GM2A: variants seen among roughly 807,000 people sequenced by gnomAD.
GM2A encodes the protein GM2 ganglioside activator.
A neutral mutation model predicts 12.9 loss-of-function variants in GM2A; 7 were observed. The ratio of observed to expected loss-of-function variants is 0.54; its 90% CI spans 0.31 to 1.02. The LOEUF (loss-of-function observed/expected upper bound fraction) is 1.02. Among genes scored for constraint, GM2A ranks in the 50% least tolerant of loss-of-function variants. The pLI is 0.05. For synonymous variants in GM2A, 101 were observed against 96.0 expected (o/e 1.05, Z -0.30); for missense variants, 246 against 241.0 (o/e 1.02, Z -0.14).
Position 151,253,233 on chromosome 5 carries a change from A to T in GM2A, c.17A>T (p.Gln6Leu). 1 of 1,613,960 alleles carries T rather than the reference A, an allele frequency of 6.2e-7. No homozygotes were observed. The highest frequency in any genetic ancestry group is 8.5e-7 in the Non-Finnish European group (1 of 1,179,858). Residue 6 changes from glutamine (Q) to leucine (L), a missense_variant, in exon 1 of 4, where the codon CAG becomes CTG. Transcript: ENST00000357164. ...CCCTTCCCGATGCAGTCCCTGATGC[A>T]GGCTCCCCTCCTGATCGCCCTGGGC... MQSLM[Q>L]APLLIALGLL...
chr5:151,267,613 T>G lies in GM2A; in HGVS notation c.*162T>G, dbSNP rs1444811601. 3.2e-5 allele frequency: 49 copies of G among 1,526,926 alleles called. No homozygotes were observed. The highest frequency in any genetic ancestry group is 3.7e-5 in the Non-Finnish European group (42 of 1,140,338). 94.6% of individuals were successfully genotyped at this position (1,526,926 alleles called of 1,614,324 possible). A position where few individuals can be genotyped will look rare whatever the true frequency, so the allele number is the denominator to read the frequency against. On this transcript the variant is annotated 3_prime_UTR_variant, in exon 4 of 4. Transcript: ENST00000357164. ...AAATCATTTTGTACCACTTACATTT[T>G]AGGCTGGGGCAAGCAGCCCTGACCT...
In GM2A at chr5:151,267,086, T is replaced by C. The variant is rs2075782; in HGVS notation, c.426+173T>C. The stretch of plus-strand genomic sequence containing the variant: ...GAGCCTCAGTTATCCATCTACGAAA[T>C]GGGAGACTTGAACTTAGATGTGATC... On this transcript the variant is annotated intron_variant, in intron 3 of 3. Coordinates refer to ENST00000357164, the MANE Select transcript of GM2A (RefSeq NM_000405.5). 240,175 of 842,086 alleles carry C rather than the reference T, an allele frequency of 0.29. 36,368 individuals carry two copies. Among genetic ancestry groups the C allele is most frequent in the Admixed American group, 0.46 (22,410 of 49,194 alleles). The allele number at this position is 842,086 out of a possible 1,614,324, so 52.2% of individuals were successfully genotyped here. A position where few individuals can be genotyped will look rare whatever the true frequency, so the allele number is the denominator to read the frequency against.
chr5:151,267,449 T>C lies in GM2A; in HGVS notation c.580T>C (p.Ter194GlnextTer63). Residue 194 changes from the stop codon to glutamine (Q), a stop_lost, in exon 4 of 4, where the codon TAA (stop) becomes CAA (glutamine). Coordinates refer to ENST00000357164, the MANE Select transcript of GM2A (RefSeq NM_000405.5). ...GATCGCTGCCTCTCTAAAGGGCATA[T>C]AACATGGCATCTGCCACAGCAGAAT... is the stretch of plus-strand genomic sequence containing the variant. ...IKIAASLKGI[*>Q] 6.2e-7 allele frequency: 1 copy of C among 1,614,134 alleles called. No individual in the cohort carries two copies. Among genetic ancestry groups the C allele is most frequent in the Non-Finnish European group, 8.5e-7 (1 of 1,179,990 alleles).
In GM2A at chr5:151,269,375, G is replaced by C. The variant is rs1027350022; in HGVS notation, c.*1924G>C. ...GGTGAGCCGAGGTGATTCCAGGGACGGACCCTTCTGCAGGAGCTTGAGCTT... is the reference window on the plus strand; with the variant it reads ...GGTGAGCCGAGGTGATTCCAGGGACCGACCCTTCTGCAGGAGCTTGAGCTT... On this transcript the variant is annotated 3_prime_UTR_variant, in exon 4 of 4. Transcript: ENST00000357164. The C allele has an allele frequency of 1.0e-6, 1 of 985,210 alleles. No homozygotes were observed. The highest frequency in any genetic ancestry group is 1.2e-6 in the Non-Finnish European group (1 of 829,928). The allele number at this position is 985,210 out of a possible 1,614,324, so 61.0% of individuals were successfully genotyped here.
Position 151,270,102 on chromosome 5 carries a change from T to G in GM2A, c.*2651T>G. 8.1e-7 allele frequency: 1 copy of G among 1,231,362 alleles called. No homozygotes were observed. 76.3% of individuals were successfully genotyped at this position (1,231,362 alleles called of 1,614,324 possible). A position where few individuals can be genotyped will look rare whatever the true frequency, so the allele number is the denominator to read the frequency against. ...CTTGGGTCATATGTTCCGTGAGGTT[T>G]CTTAGGGGTGGGGGATGAGGAGTTA... On this transcript the variant is annotated 3_prime_UTR_variant, in exon 4 of 4. Transcript: ENST00000357164.
intron 1 of GM2A, among the ~76,000 whole-genome samples, chr5:151,256,322 G>A (rs1315275865): frequency 6.6e-6 from 1 of 152,182 alleles, no homozygotes; most frequent in Non-Finnish European, 1.5e-5. Context: ...AGTTGCAGCA[G>A]GGCGTGGTGG....
intron 2 of GM2A, among the ~76,000 whole-genome samples, chr5:151,264,887 C>T (rs991645717): frequency 1.3e-5 from 2 of 151,704 alleles, no homozygotes; most frequent in African/African-American, 4.8e-5. Flanking sequence ...GAGGCTAAGA[C>T]AGGAGAATCG....
Position 151,253,272 on chromosome 5 carries a change from C to G in GM2A, c.56C>G (p.Ala19Gly), listed in dbSNP as rs200545376. Residue 19 changes from alanine to glycine, a missense_variant, in exon 1 of 4, where the codon GCC becomes GGC. Transcript: ENST00000357164. ...LLIALGLLLA[A>G]PAQAHLKKPS... ...ATCGCCCTGGGCTTGCTTCTCGCGG[C>G]CCCTGCGCAAGCCCACCTGAAAAAG... 5.0e-6 allele frequency: 8 copies of G among 1,613,520 alleles called. No homozygotes were observed. Among genetic ancestry groups the G allele is most frequent in the Non-Finnish European group, 5.1e-6 (6 of 1,179,646 alleles).
At position 151,253,254 on chromosome 5, in the gene GM2A, T is replaced by C. The variant is rs1469924796; in HGVS notation, c.38T>C (p.Leu13Pro). 6.2e-7 allele frequency: 1 copy of C among 1,614,076 alleles called. No individual in the cohort carries two copies. Among genetic ancestry groups the C allele is most frequent in the Non-Finnish European group, 8.5e-7 (1 of 1,179,962 alleles). Residue 13 changes from leucine (L) to proline (P), a missense_variant, in exon 1 of 4, where the codon CTG becomes CCG. Leu to Pro is a moderately conservative substitution (Grantham distance 98). Transcript: ENST00000357164. ...SLMQAPLLIALGLLLAAPAQA... is the reference protein window; with the variant it reads ...SLMQAPLLIAPGLLLAAPAQA... ...ATGCAGGCTCCCCTCCTGATCGCCCTGGGCTTGCTTCTCGCGGCCCCTGCG... is the reference window on the plus strand; with the variant it reads ...ATGCAGGCTCCCCTCCTGATCGCCCCGGGCTTGCTTCTCGCGGCCCCTGCG...
At chr5:151,257,413 C>T (rs1048478099) in intron 1 of GM2A, among the ~76,000 whole-genome samples, 14 of 152,084 alleles carry the variant, frequency 9.2e-5, no homozygotes, top group African/African-American at 3.1e-4. Context: ...GGATACCCTA[C>T]CCCCACCCCC....
rs1375564900 is a variant in GM2A, at chr5:151,269,428, C to T, written c.*1977C>T. The stretch of plus-strand genomic sequence containing the variant: ...TTGTTGTCTCTGCTTCATCGCCATC[C>T]AGCTCCCTTGTTTGCTATTTTGCTT... On this transcript the variant is annotated 3_prime_UTR_variant, in exon 4 of 4. Coordinates refer to ENST00000357164, the MANE Select transcript of GM2A (RefSeq NM_000405.5). 1.1e-5 allele frequency: 11 copies of T among 985,286 alleles called. No homozygotes were observed. Among genetic ancestry groups the T allele is most frequent in the Middle Eastern group, 5.2e-4 (1 of 1,936 alleles). The allele number at this position is 985,286 out of a possible 1,614,324, so 61.0% of individuals were successfully genotyped here.
chr5:151,266,685 A>T, intron 2 of GM2A, 46 bp from the exon 3 acceptor site: 1 of 1,449,008 alleles, frequency 6.9e-7, no homozygotes, highest in Non-Finnish European at 9.7e-7. Context: ...CCTGGAATTT[A>T]CACTTATAAC....
chr5:151,263,570 G>A (rs1264961869), intron 2 of GM2A, among the ~76,000 whole-genome samples: 1 of 152,126 alleles, frequency 6.6e-6, no homozygotes, highest in Non-Finnish European at 1.5e-5. Flanking sequence ...GGACAAGGCT[G>A]GTATGTTTAT....
In GM2A at chr5:151,267,691, A is replaced by AACTGT; in HGVS notation, c.*240_*241insACTGT. On this transcript the variant is annotated 3_prime_UTR_variant, in exon 4 of 4. Transcript: ENST00000357164. ...ATAGCCCAGGGCATCTGCTGGGCTGACCACGTTACTCATCCCCGTTAACAT... is the reference window on the plus strand; with the variant it reads ...ATAGCCCAGGGCATCTGCTGGGCTGAACTGTCCACGTTACTCATCCCCGTTAACAT... The AACTGT allele has an allele frequency of 6.9e-7, 1 of 1,449,200 alleles. No homozygotes were observed. Among genetic ancestry groups the AACTGT allele is most frequent in the Non-Finnish European group, 9.2e-7 (1 of 1,092,064 alleles). 89.8% of individuals were successfully genotyped at this position (1,449,200 alleles called of 1,614,324 possible).
At chr5:151,267,264 C>T (rs1473106382) in intron 3 of GM2A, 32 bp from the exon 4 acceptor site, 1 of 1,613,840 alleles carries the variant, frequency 6.2e-7, no homozygotes, top group South Asian at 1.1e-5. Context: ...AGTAGGCTCC[C>T]ACTGACTGGC....
At chr5:151,266,237 G>A (rs1753882633) in intron 2 of GM2A, among the ~76,000 whole-genome samples, 1 of 152,132 alleles carries the variant, frequency 6.6e-6, no homozygotes, top group Admixed American at 6.5e-5. Context: ...CCAGCACTTT[G>A]GGAGGTGGAG....
chr5:151,266,935 A>C, intron 3 of GM2A, 22 bp downstream of exon 3: 1 of 1,584,954 alleles, frequency 6.3e-7, no homozygotes, highest in Non-Finnish European at 8.7e-7. Flanking sequence ...GGGAGGAGAG[A>C]GCGTTACCCC....
At chr5:151,254,478 G>T (rs1454735249) in intron 1 of GM2A, among the ~76,000 whole-genome samples, 2 of 152,186 alleles carry the variant, frequency 1.3e-5, no homozygotes, top group Non-Finnish European at 2.9e-5. Flanking sequence ...CTCCTGAGTA[G>T]CTGGGACTGC....
Position 151,270,366 on chromosome 5 carries a change from T to G in GM2A, c.*2915T>G. On this transcript the variant is annotated 3_prime_UTR_variant, in exon 4 of 4. Transcript: ENST00000357164. ...GACACATTTGACTACATGAAGATAA[T>G]AAAAATGCTTAGTAAAAACACAATA... 2.5e-6 allele frequency: 1 copy of G among 398,574 alleles called. No homozygotes were observed. The highest frequency in any genetic ancestry group is 2.1e-5 in the African/African-American group (1 of 48,684). 24.7% of individuals were successfully genotyped at this position (398,574 alleles called of 1,614,324 possible). A position where few individuals can be genotyped will look rare whatever the true frequency, so the allele number is the denominator to read the frequency against.
Sources: gnomAD v4.1 joint callset for allele counts (sites outside exome capture counted in the v4.1 genomes callset) on GRCh38, gnomAD v4.1.1 for gene constraint, MANE v1.5 for transcripts, NCBI Gene and HGNC (gene_info 2026-07-23, HGNC 2026-07-21) for gene names.